The following NDUFAF7 variants were observed in gnomAD, a reference collection of about 807,000 sequenced individuals.
NDUFAF7 encodes protein arginine methyltransferase NDUFAF7, mitochondrial.
In NDUFAF7, 48 loss-of-function variants were observed where a neutral mutation model predicts 47.2. The observed-to-expected ratio is 1.02, with a 90% CI of 0.81 to 1.29. NDUFAF7 has a LOEUF of 1.29. Ranked by LOEUF, NDUFAF7 falls within the 50% of genes most tolerant of loss-of-function variation. The pLI is 0.00. For synonymous variants in NDUFAF7, 217 were observed against 190.0 expected (o/e 1.14, Z -1.17); for missense variants, 635 against 537.6 (o/e 1.18, Z -1.79).
chr2:37,244,522 C>T (rs925875242), intron 7 of NDUFAF7, among the ~76,000 whole-genome samples: 2 of 152,084 alleles, frequency 1.3e-5, no homozygotes, highest in Non-Finnish European at 2.9e-5. Flanking sequence ...TTCTGTTGAT[C>T]TCAAGGAATC....
downstream of NDUFAF7, chr2:37,253,025 C>T: frequency 3.0e-6 from 2 of 665,172 alleles, no homozygotes; most frequent in Non-Finnish European, 4.6e-6. Context: ...TGTACCTACT[C>T]ATTATGAACT....
downstream of NDUFAF7, chr2:37,253,512 T>C (rs1416508609): frequency 6.2e-6 from 3 of 485,348 alleles, no homozygotes; most frequent in Non-Finnish European, 1.0e-5. Context: ...ACTTGTGATA[T>C]TTTAAATGAG....
chr2:37,249,643 G>GACAGACAGACACACACAC (rs1261022368), downstream of NDUFAF7, among the ~76,000 whole-genome samples: 4 of 132,524 alleles, frequency 3.0e-5, no homozygotes, highest in African/African-American at 9.0e-5. Flanking sequence ...CTGTGATAGA[G>GACAGACAGACACACACAC]ACACACACAC....
At chr2:37,257,666 CAAAAGAAAAA>C (rs1471745708), downstream of NDUFAF7, among the ~76,000 whole-genome samples, 16 of 62,400 alleles carry the variant, frequency 2.6e-4, no homozygotes, top group African/African-American at 5.0e-4. Flanking sequence ...GACTCTGTCT[CAAAAGAAAAA>C]AAAAAAAAAA....
intron 6 of NDUFAF7, 95 bp from the exon 7 acceptor site, chr2:37,243,768 T>TA (rs1666613053): frequency 3.6e-6 from 3 of 836,924 alleles, no homozygotes; most frequent in African/African-American, 1.7e-5. Flanking sequence ...AAATGTTAGT[T>TA]ACTTATGGTA....
chr2:37,233,621 C>CAAAAAAAAA (rs1175933313), intron 2 of NDUFAF7, among the ~76,000 whole-genome samples: 5 of 62,480 alleles, frequency 8.0e-5, no homozygotes, highest in Non-Finnish European at 1.3e-4. Context: ...GACTCTGTCT[C>CAAAAAAAAA]AAAAAAAAAA....
At chr2:37,249,617 T>C (rs572958476), downstream of NDUFAF7, among the ~76,000 whole-genome samples, 3 of 115,838 alleles carry the variant, frequency 2.6e-5, no homozygotes, top group African/African-American at 7.4e-5. Context: ...GGGAGATCGC[T>C]CCGTTGCACT....
downstream of NDUFAF7, chr2:37,256,657 TTTACCTTCACCAG>T: frequency 7.9e-7 from 1 of 1,258,674 alleles, no homozygotes; most frequent in Non-Finnish European, 1.0e-6. Context: ...TTTTTTTTTT[TTTACCTTCACCAG>T]AAATTTCTCT....
chr2:37,233,822 A>C (rs1665463037), intron 2 of NDUFAF7, among the ~76,000 whole-genome samples: 1 of 152,184 alleles, frequency 6.6e-6, no homozygotes, highest in Admixed American at 6.5e-5. Flanking sequence ...GGACCCTTTA[A>C]TAGAAATCAG....
chr2:37,258,360 C>A (rs1035153520), downstream of NDUFAF7, among the ~76,000 whole-genome samples: 2 of 152,092 alleles, frequency 1.3e-5, no homozygotes, highest in African/African-American at 4.8e-5. Flanking sequence ...AATACAAACT[C>A]TTTTTTTGTT....
the NDUFAF7 span, chr2:37,260,088 C>G: frequency 9.3e-6 from 7 of 751,370 alleles, no homozygotes; most frequent in Non-Finnish European, 1.5e-5. Flanking sequence ...TCACTTGAAT[C>G]CAGGAGGCAG....
At chr2:37,253,436 T>C, downstream of NDUFAF7, 2 of 1,158,462 alleles carry the variant, frequency 1.7e-6, no homozygotes, top group Non-Finnish European at 2.4e-6. Context: ...TTTTTGTTGT[T>C]GTTTAGTGCC....
At chr2:37,269,520 C>T in the NDUFAF7 span, 1 of 1,122,718 alleles carries the variant, frequency 8.9e-7, no homozygotes, top group African/African-American at 1.5e-5. Flanking sequence ...AGGCACTGGA[C>T]AAAACTATGA....
intron 1 of NDUFAF7, 110 bp downstream of exon 1, chr2:37,231,870 C>G (rs1665170987): frequency 6.3e-7 from 1 of 1,583,066 alleles, no homozygotes; most frequent in East Asian, 2.3e-5. Flanking sequence ...GGCTCACTTC[C>G]ACCTTGAAGG....
At chr2:37,262,894 T>C in the NDUFAF7 span, among the ~76,000 whole-genome samples, 2 of 144,582 alleles carry the variant, frequency 1.4e-5, no homozygotes, top group South Asian at 4.5e-4. Context: ...CTAAGATTCC[T>C]TCCCCCCCCC....
At chr2:37,249,558 GACACACACACACAC>G (rs56374800), downstream of NDUFAF7, among the ~76,000 whole-genome samples, 6,771 of 128,400 alleles carry the variant, frequency 0.053, 665 homozygotes, top group East Asian at 0.33. Context: ...GCCTGTGATA[GACACACACACACAC>G]ACACACACAC....
the NDUFAF7 span, among the ~76,000 whole-genome samples, chr2:37,265,945 T>A: frequency 6.6e-6 from 1 of 152,190 alleles, no homozygotes; most frequent in Non-Finnish European, 1.5e-5. Flanking sequence ...AAGAAATCAA[T>A]CCATAGGAAT....
At chr2:37,252,453 T>C (rs1403504249), downstream of NDUFAF7, 1 of 152,180 alleles carries the variant, frequency 6.6e-6, no homozygotes, top group African/African-American at 2.4e-5. Flanking sequence ...GTAACATCAT[T>C]TGTCCCTAAT....
downstream of NDUFAF7, chr2:37,254,270 ATTGT>A: frequency 6.2e-7 from 1 of 1,613,216 alleles, no homozygotes; most frequent in Non-Finnish European, 8.5e-7. Flanking sequence ...CTTGAAGCAG[ATTGT>A]TTATCAGATC....
Sources: gnomAD v4.1 joint callset for allele counts (sites outside exome capture counted in the v4.1 genomes callset) on GRCh38, gnomAD v4.1.1 for gene constraint, MANE v1.5 for transcripts, NCBI Gene and HGNC (gene_info 2026-07-23, HGNC 2026-07-21) for gene names.